Variants in SLC25A13 observed in about 807,000 individuals in gnomAD.
SLC25A13 encodes solute carrier family 25 member 13.
In SLC25A13, 70 loss-of-function variants were observed where a neutral mutation model predicts 85.5. The observed-to-expected ratio is 0.82, with a 90% CI of 0.68 to 1.00. The LOEUF (loss-of-function observed/expected upper bound fraction) is 1.00. Among genes scored for constraint, SLC25A13 ranks in the 50% least tolerant of loss-of-function variants. The probability of loss-of-function intolerance (pLI) is 0.00; values close to 1 mark genes in which losing one functional copy is unlikely to be tolerated. For synonymous variants in SLC25A13, 259 were observed against 288.7 expected, an observed-to-expected ratio of 0.90 and a Z score of 1.04; for missense variants, 765 against 819.8, an observed-to-expected ratio of 0.93 and a Z score of 0.82.
chr7:96,134,334 G>A (rs1401290950), intron 14 of SLC25A13, among the ~76,000 whole-genome samples: 1 of 152,034 alleles, frequency 6.6e-6, no homozygotes, highest in East Asian at 1.9e-4. Flanking sequence ...ACTGCGCCTG[G>A]CCACTTTTAG....
At chr7:96,155,089 T>C (rs1304715892) in intron 13 of SLC25A13, among the ~76,000 whole-genome samples, 1 of 152,174 alleles carries the variant, frequency 6.6e-6, no homozygotes, top group Non-Finnish European at 1.5e-5. Context: ...TGTGAGCCAC[T>C]GTACCAGGCC....
chr7:96,286,446 ATG>A (rs1798889965), intron 2 of SLC25A13, among the ~76,000 whole-genome samples: 1 of 152,118 alleles, frequency 6.6e-6, no homozygotes, highest in Non-Finnish European at 1.5e-5. Context: ...TTTACTTTGT[ATG>A]TGTTGTTTTC....
intron 11 of SLC25A13, among the ~76,000 whole-genome samples, chr7:96,178,667 A>C (rs1794314626): frequency 6.6e-6 from 1 of 151,814 alleles, no homozygotes; most frequent in African/African-American, 2.4e-5. Flanking sequence ...ACATCAGATT[A>C]ACCTTCATTC....
At chr7:96,158,100 A>G (rs141697777) in intron 13 of SLC25A13, among the ~76,000 whole-genome samples, 2 of 152,328 alleles carry the variant, frequency 1.3e-5, no homozygotes, top group East Asian at 1.9e-4. Flanking sequence ...GCTCCAGTTC[A>G]TATTTCCCCA....
chr7:96,243,473 G>A (rs142376015), intron 3 of SLC25A13, among the ~76,000 whole-genome samples: 2 of 152,174 alleles, frequency 1.3e-5, no homozygotes, highest in South Asian at 2.1e-4. Context: ...ATAGAGCAAC[G>A]CCTTGGAATC....
rs760572056 is a variant in SLC25A13 at position 96,121,365 on chromosome 7, T to G, written c.1854A>C (p.Gly618=). Residue 618 remains glycine, a synonymous_variant, in exon 18 of 18, where the codon GGA becomes GGC. Transcript: ENST00000265631. ...YIDFGGVKPM[G]SEPVPKSRIN... is the part of the protein sequence containing the mutation. ...TCCTGGATTTAGGAACTGGCTCTGA[T>G]CCCATGGGTTTTCTAAAAGAAGAGA... is the stretch of plus-strand genomic sequence containing the variant. 9.3e-6 allele frequency: 15 copies of G among 1,614,220 alleles called. No individual in the cohort carries two copies. The highest frequency in any genetic ancestry group is 1.2e-5 in the Non-Finnish European group (14 of 1,180,024).
At chr7:96,209,499 G>A (rs556097318) in intron 4 of SLC25A13, among the ~76,000 whole-genome samples, 1 of 152,230 alleles carries the variant, frequency 6.6e-6, no homozygotes, top group East Asian at 1.9e-4. Context: ...GGCTGTTTCT[G>A]TGTTTGAAAA....
In SLC25A13 at chr7:96,185,786, G is replaced by C. The variant is rs1204325852; in HGVS notation, c.934-775C>G. Among the ~76,000 whole-genome samples the C allele has an allele frequency of 3.3e-5, 5 of 151,552 alleles. 1 individual carries two copies. Among genetic ancestry groups the C allele is most frequent in the Non-Finnish European group, 7.4e-5 (5 of 67,968 alleles). ...GTGGTGGCAGGCGCCTGTAGTCCCAGCTACTTGGGAAGCTGAGGCAGGAGA... is the reference window on the plus strand; with the variant it reads ...GTGGTGGCAGGCGCCTGTAGTCCCACCTACTTGGGAAGCTGAGGCAGGAGA... On this transcript the variant is annotated intron_variant, in intron 9 of 17. Coordinates refer to ENST00000265631, the MANE Select transcript of SLC25A13 (RefSeq NM_014251.3).
At chr7:96,257,930 CG>C (rs1241576041) in intron 3 of SLC25A13, among the ~76,000 whole-genome samples, 1 of 152,074 alleles carries the variant, frequency 6.6e-6, no homozygotes, top group Admixed American at 6.6e-5. Context: ...AATCAATAAA[CG>C]TAATTCATCA....
intron 4 of SLC25A13, among the ~76,000 whole-genome samples, chr7:96,231,575 T>C (rs1370791452): frequency 6.6e-6 from 1 of 151,760 alleles, no homozygotes; most frequent in Admixed American, 6.6e-5. Context: ...AAATACAAAA[T>C]TAGCCAGACG....
At chr7:96,290,433 C>T (rs1162552389) in intron 2 of SLC25A13, among the ~76,000 whole-genome samples, 2 of 151,966 alleles carry the variant, frequency 1.3e-5, no homozygotes, top group Admixed American at 6.6e-5. Flanking sequence ...CAATATTAAC[C>T]TTAAATGTAA....
At chr7:96,265,531 T>G (rs1322261458) in intron 3 of SLC25A13, among the ~76,000 whole-genome samples, 1 of 152,194 alleles carries the variant, frequency 6.6e-6, no homozygotes, top group Non-Finnish European at 1.5e-5. Flanking sequence ...CATACTACAT[T>G]AAAGAGTTCT....
intron 1 of SLC25A13, among the ~76,000 whole-genome samples, chr7:96,313,755 C>A (rs1312060838): frequency 1.3e-5 from 2 of 151,828 alleles, no homozygotes; most frequent in African/African-American, 2.4e-5. Flanking sequence ...CCTCCGGAAT[C>A]TAAAATAAAA....
chr7:96,304,851 G>A (rs73710274), intron 1 of SLC25A13, among the ~76,000 whole-genome samples: 2,062 of 152,326 alleles, frequency 0.014, 42 homozygotes, highest in African/African-American at 0.047. Flanking sequence ...AGCAGGGAAA[G>A]CTGACTTATC....
intron 2 of SLC25A13, among the ~76,000 whole-genome samples, chr7:96,294,145 C>T (rs925868590): frequency 5.9e-5 from 9 of 152,114 alleles, no homozygotes; most frequent in Non-Finnish European, 1.0e-4. Context: ...ATGGATGAAG[C>T]TGGAAACCAT....
intron 5 of SLC25A13, among the ~76,000 whole-genome samples, chr7:96,208,189 C>T (rs1246445058): frequency 6.6e-6 from 1 of 152,100 alleles, no homozygotes; most frequent in Non-Finnish European, 1.5e-5. Context: ...GAGTCACAAG[C>T]CAAAATTTTA....
intron 15 of SLC25A13, among the ~76,000 whole-genome samples, chr7:96,128,941 T>TTGCTCG (rs1279925045): frequency 2.3e-3 from 229 of 98,412 alleles, no homozygotes; most frequent in African/African-American, 9.2e-3. Flanking sequence ...CCTTGCTTGC[T>TTGCTCG]CTCTCTCTCT....
Position 96,322,032 on chromosome 7 carries a change from C to T in SLC25A13, c.-76G>A. 6.6e-7 allele frequency: 1 copy of T among 1,519,098 alleles called. No homozygotes were observed. Among genetic ancestry groups the T allele is most frequent in the Non-Finnish European group, 8.8e-7 (1 of 1,132,360 alleles). The allele number at this position is 1,519,098 out of a possible 1,614,324, so 94.1% of individuals were successfully genotyped here. A position where few individuals can be genotyped will look rare whatever the true frequency, so the allele number is the denominator to read the frequency against. ...CGTTTGGGACCCGGGCGGCTCACTT[C>T]TAGTCCCGGCGGCGGCGGCGGTGGG... On this transcript the variant is annotated 5_prime_UTR_variant, in exon 1 of 18. Transcript: ENST00000265631.
chr7:96,254,080 T>C (rs1229315079), intron 3 of SLC25A13, among the ~76,000 whole-genome samples: 1 of 152,154 alleles, frequency 6.6e-6, no homozygotes, highest in Non-Finnish European at 1.5e-5. Flanking sequence ...ATTATACAAA[T>C]GCTGTGATGG....
Sources: gnomAD v4.1 joint callset for allele counts (sites outside exome capture counted in the v4.1 genomes callset) on GRCh38, gnomAD v4.1.1 for gene constraint, MANE v1.5 for transcripts, NCBI Gene and HGNC (gene_info 2026-07-23, HGNC 2026-07-21) for gene names.